Variants in ALPK2 observed in about 807,000 individuals in gnomAD.
ALPK2 encodes the protein alpha kinase 2.
Under a neutral mutation model 163.1 loss-of-function variants are expected in ALPK2, and 127 were observed. That is an observed-to-expected ratio of 0.78 (90% CI 0.67 to 0.90). The LOEUF (loss-of-function observed/expected upper bound fraction) is 0.90, where lower values mean the gene tolerates loss of function less well. Ranked by LOEUF, ALPK2 falls within the 40% of genes least tolerant of loss-of-function variation. The pLI, the probability that ALPK2 is intolerant of heterozygous loss-of-function variation, is 0.00. For synonymous variants in ALPK2, 953 were observed against 959.1 expected (o/e 0.99, Z 0.12); for missense variants, 2,360 against 2,589.6 (o/e 0.91, Z 1.92).
intron 10 of ALPK2, among the ~76,000 whole-genome samples, chr18:58,512,747 G>A (rs1268372554): frequency 6.8e-6 from 1 of 147,780 alleles, no homozygotes. Context: ...GTTATGTGGT[G>A]TGTGTTGTGT....
intron 1 of ALPK2, among the ~76,000 whole-genome samples, chr18:58,626,756 T>C (rs1235010646): frequency 6.6e-6 from 1 of 152,152 alleles, no homozygotes. Context: ...TTCAAACACA[T>C]TGTTTCCAAG....
intron 12 of ALPK2, among the ~76,000 whole-genome samples, chr18:58,484,591 A>T (rs1290952505): frequency 6.6e-6 from 1 of 152,144 alleles, no homozygotes; most frequent in Admixed American, 6.5e-5. Context: ...TAAAAATACA[A>T]AAATTAGCTG....
rs113027270 is a variant in ALPK2 at position 58,611,704 on chromosome 18, G to A, written c.94C>T (p.Arg32Cys). ...TGATGGTTACCAGATATTATGCAGCGAAGCACAGCGTCTGACTTCTCAGGA... is the reference window on the plus strand; with the variant it reads ...TGATGGTTACCAGATATTATGCAGCAAAGCACAGCGTCTGACTTCTCAGGA... ...KVPEKSDAVLRCIISGQPKPE... is the reference protein window; with the variant it reads ...KVPEKSDAVLCCIISGQPKPE... Residue 32 changes from arginine to cysteine, a missense_variant, in exon 2 of 13, where the codon CGC (arginine) becomes TGC (cysteine). Physicochemically the swap from Arg to Cys is radical, Grantham distance 180. Transcript: ENST00000361673. 6.0e-5 allele frequency: 97 copies of A among 1,612,650 alleles called. 1 individual carries two copies. The highest frequency in any genetic ancestry group is 3.3e-4 in the Middle Eastern group (2 of 6,056).
rs1253595745 is a variant in ALPK2 at position 58,579,056 on chromosome 18, G to A, written c.1720C>T (p.Pro574Ser). 2 of 1,614,198 alleles carry A rather than the reference G, an allele frequency of 1.2e-6. No homozygotes were observed. The highest frequency in any genetic ancestry group is 2.2e-5 in the East Asian group (1 of 44,882). ...TCTCTTTTATCACTCTGGGTTAGTG[G>A]GGGCTCAGCAGATTCTTTGGCAGAG... The part of the protein sequence containing the change: ...LCSAKESAEP[P>S]LTQSDKRETS... Residue 574 changes from proline (P) to serine (S), a missense_variant, in exon 4 of 13, where the codon CCA becomes TCA. Transcript: ENST00000361673.
At chr18:58,548,290 A>T (rs1209614049) in intron 4 of ALPK2, among the ~76,000 whole-genome samples, 1 of 151,826 alleles carries the variant, frequency 6.6e-6, no homozygotes, top group Non-Finnish European at 1.5e-5. Flanking sequence ...AGTCAGCAGG[A>T]TAGTGATAGG....
chr18:58,577,329 C>T (rs986488666), intron 4 of ALPK2, among the ~76,000 whole-genome samples: 2 of 152,150 alleles, frequency 1.3e-5, no homozygotes, highest in Non-Finnish European at 2.9e-5. Flanking sequence ...TAAATAGCCC[C>T]CTTCCCTTCC....
Position 58,535,492 on chromosome 18 carries a change from A to G in ALPK2, c.4695T>C (p.His1565=), listed in dbSNP as rs1303370738. ...VDTHNSTGQI[H]DVPENDIVEP... is the part of the protein sequence containing the mutation. Reference sequence around the variant, plus strand: ...CAACTATGTCATTTTCAGGGACGTCATGAATTTGGCCTGTGGAGTTGTGCG... The same window carrying G: ...CAACTATGTCATTTTCAGGGACGTCGTGAATTTGGCCTGTGGAGTTGTGCG... The change falls in exon 5 of 13, where the codon CAT becomes CAC. Residue 1565 remains histidine (H), a synonymous_variant. Transcript: ENST00000361673. The G allele has an allele frequency of 6.2e-7, 1 of 1,614,100 alleles. No homozygotes were observed. Among genetic ancestry groups the G allele is most frequent in the Non-Finnish European group, 8.5e-7 (1 of 1,180,032 alleles).
At chr18:58,585,680 C>CT (rs71173066) in intron 3 of ALPK2, among the ~76,000 whole-genome samples, 48 of 77,516 alleles carry the variant, frequency 6.2e-4, no homozygotes, top group African/African-American at 1.0e-3. Context: ...TTCTATGTTG[C>CT]TTTTTTTTTT....
chr18:58,573,394 A>ATG lies in ALPK2; in HGVS notation c.1962+5418_1962+5419dup, dbSNP rs1179813317. Among the ~76,000 whole-genome samples the ATG allele has an allele frequency of 4.9e-5, 7 of 142,200 alleles. No individual in the cohort carries two copies. The East Asian group carries it at 7.9e-4, about 16-fold the overall frequency. 93.3% of individuals were successfully genotyped at this position (142,200 alleles called of 152,430 possible). A position where few individuals can be genotyped will look rare whatever the true frequency, so the allele number is the denominator to read the frequency against. ...TATATATGTGTGTGTATATATATAT[A>ATG]TGTGTGTATATATATATGTTTTTTT... is the stretch of plus-strand genomic sequence containing the variant. On this transcript the variant is annotated intron_variant, in intron 4 of 12. Transcript: ENST00000361673.
chr18:58,609,076 G>C (rs2052114170), intron 2 of ALPK2, among the ~76,000 whole-genome samples: 1 of 152,126 alleles, frequency 6.6e-6, no homozygotes, highest in African/African-American at 2.4e-5. Flanking sequence ...CCATGAGCAG[G>C]ACCTGAAAAT....
chr18:58,594,878 G>T (rs1035990207), intron 3 of ALPK2, among the ~76,000 whole-genome samples: 14 of 152,234 alleles, frequency 9.2e-5, no homozygotes, highest in African/African-American at 3.4e-4. Context: ...CTGAATTACC[G>T]CGATGGTTGC....
chr18:58,561,055 A>G (rs554413633), intron 4 of ALPK2, among the ~76,000 whole-genome samples: 1 of 152,318 alleles, frequency 6.6e-6, no homozygotes, highest in Non-Finnish European at 1.5e-5. Flanking sequence ...AATCCCCTCT[A>G]ACAGGTAAAC....
At chr18:58,628,503 A>G (rs759918218) in intron 1 of ALPK2, among the ~76,000 whole-genome samples, 5 of 152,210 alleles carry the variant, frequency 3.3e-5, no homozygotes, top group Non-Finnish European at 5.9e-5. Context: ...TTCATTCATT[A>G]TTGTCAAGCC....
chr18:58,513,876 A>C (rs1440602282), intron 10 of ALPK2, among the ~76,000 whole-genome samples: 1 of 152,240 alleles, frequency 6.6e-6, no homozygotes, highest in Non-Finnish European at 1.5e-5. Flanking sequence ...GTCTCTTAAA[A>C]AAAATAAAAC....
chr18:58,540,362 G>T (rs570906119), intron 4 of ALPK2, among the ~76,000 whole-genome samples: 1 of 152,028 alleles, frequency 6.6e-6, no homozygotes, highest in East Asian at 1.9e-4. Context: ...TGGTGTTCCC[G>T]GAAAGAAAAG....
chr18:58,493,123 G>A (rs555211585), intron 12 of ALPK2, among the ~76,000 whole-genome samples: 2 of 152,294 alleles, frequency 1.3e-5, no homozygotes, highest in East Asian at 1.9e-4. Flanking sequence ...TGTGGCAGGC[G>A]GGGACAGGAG....
intron 4 of ALPK2, among the ~76,000 whole-genome samples, chr18:58,556,189 A>ACACACACACACACG (rs903787089): frequency 0.012 from 1,811 of 151,960 alleles, 37 homozygotes; most frequent in African/African-American, 0.04. Context: ...ACACACACGC[A>ACACACACACACACG]CACACAATTC....
chr18:58,558,670 C>T (rs1471230756), intron 4 of ALPK2, among the ~76,000 whole-genome samples: 1 of 152,214 alleles, frequency 6.6e-6, no homozygotes, highest in Non-Finnish European at 1.5e-5. Flanking sequence ...CAGTGGAAAC[C>T]ACCCAAATGT....
intron 1 of ALPK2, among the ~76,000 whole-genome samples, chr18:58,616,048 T>C (rs977246175): frequency 2.6e-5 from 4 of 152,230 alleles, no homozygotes; most frequent in Non-Finnish European, 5.9e-5. Context: ...GATTTATCAT[T>C]CTCTGCTAGA....
Sources: allele counts gnomAD v4.1 joint callset (sites outside exome capture counted in the v4.1 genomes callset), GRCh38; gene constraint gnomAD v4.1.1; transcripts MANE v1.5; gene names NCBI Gene and HGNC (gene_info 2026-07-23, HGNC 2026-07-21).